Variants in LYZL2 observed in about 807,000 individuals in gnomAD.
The protein encoded by LYZL2 is lysozyme-like protein 2.
In LYZL2, 13 loss-of-function variants were observed where a neutral mutation model predicts 17.1. That is an observed-to-expected ratio of 0.76 (90% CI 0.49 to 1.21). The LOEUF (loss-of-function observed/expected upper bound fraction) is 1.21, where lower values mean the gene tolerates loss of function less well. Among genes scored for constraint, LYZL2 ranks in the 50% most tolerant of loss-of-function variants. The pLI is 0.00. For synonymous variants in LYZL2, 63 were observed against 74.4 expected (o/e 0.85, Z 0.79); for missense variants, 166 against 189.2 (o/e 0.88, Z 0.72).
intron 3 of LYZL2, among the ~76,000 whole-genome samples, chr10:30,619,015 A>G (rs1838578019): frequency 6.6e-6 from 1 of 152,248 alleles, no homozygotes; most frequent in Non-Finnish European, 1.5e-5. Context: ...AAGTGGGCAA[A>G]GTATATGAAC....
At chr10:30,612,990 T>G (rs1173134180) in intron 3 of LYZL2, 90 bp from the exon 4 acceptor site, 13 of 971,348 alleles carry the variant, frequency 1.3e-5, no homozygotes, top group Non-Finnish European at 2.1e-5. Context: ...CTCAGTCTTT[T>G]TGGGATGGGA....
chr10:30,618,154 C>A (rs1005479209), intron 3 of LYZL2, among the ~76,000 whole-genome samples: 3 of 151,938 alleles, frequency 2.0e-5, no homozygotes, highest in African/African-American at 7.3e-5. Flanking sequence ...AACTACAAAC[C>A]ACTGCTCAAG....
intron 3 of LYZL2, among the ~76,000 whole-genome samples, chr10:30,613,376 G>C (rs180758088): frequency 6.6e-6 from 1 of 151,916 alleles, no homozygotes; most frequent in Non-Finnish European, 1.5e-5. Flanking sequence ...ACACACCTGT[G>C]GTCTCAGCTA....
At chr10:30,626,409 G>A in intron 2 of LYZL2, 146 bp from the exon 3 acceptor site, 1 of 1,336,280 alleles carries the variant, frequency 7.5e-7, no homozygotes, top group Non-Finnish European at 1.0e-6. Context: ...ATGTGCCCAG[G>A]GGGCACACGA....
intron 4 of LYZL2, 72 bp from the exon 5 acceptor site, chr10:30,612,096 A>G (rs1337411976): frequency 2.6e-6 from 4 of 1,557,864 alleles, no homozygotes; most frequent in Middle Eastern, 1.7e-4. Context: ...TTCAAAGTCT[A>G]CAGAAATTAA....
chr10:30,620,122 C>T (rs1838596990), intron 3 of LYZL2, among the ~76,000 whole-genome samples: 1 of 152,202 alleles, frequency 6.6e-6, no homozygotes, highest in South Asian at 2.1e-4. Context: ...GGTTGGTAAA[C>T]TGCAGCGTGA....
chr10:30,606,912 C>CT (rs5784208), downstream of LYZL2, among the ~76,000 whole-genome samples: 1,520 of 144,822 alleles, frequency 0.01, 36 homozygotes, highest in African/African-American at 0.036. Context: ...TACTTTTGGT[C>CT]TTTTTTTTTT....
At chr10:30,619,725 C>T (rs187170341) in intron 3 of LYZL2, among the ~76,000 whole-genome samples, 1,816 of 151,586 alleles carry the variant, frequency 0.012, 40 homozygotes, top group African/African-American at 0.042. Context: ...ATACCTAATG[C>T]TAAATGAGGA....
chr10:30,617,742 G>A (rs1467882854), intron 3 of LYZL2, among the ~76,000 whole-genome samples: 3 of 144,774 alleles, frequency 2.1e-5, no homozygotes, highest in Non-Finnish European at 4.6e-5. Context: ...AAAACTGGAA[G>A]CATTCCCTTT....
At chr10:30,617,488 C>T (rs900549057) in intron 3 of LYZL2, among the ~76,000 whole-genome samples, 1 of 151,706 alleles carries the variant, frequency 6.6e-6, no homozygotes, top group Non-Finnish European at 1.5e-5. Flanking sequence ...CCAGCCTGGC[C>T]AACATGGCAA....
At chr10:30,615,093 T>G (rs112096042) in intron 3 of LYZL2, among the ~76,000 whole-genome samples, 1 of 152,230 alleles carries the variant, frequency 6.6e-6, no homozygotes, top group Non-Finnish European at 1.5e-5. Flanking sequence ...TATTGGCTAA[T>G]GCCAATATGG....
intron 3 of LYZL2, among the ~76,000 whole-genome samples, chr10:30,618,616 A>T (rs1422478072): frequency 6.6e-6 from 1 of 152,208 alleles, no homozygotes; most frequent in Non-Finnish European, 1.5e-5. Flanking sequence ...GAAAATTGGC[A>T]GGCCATATGT....
chr10:30,614,691 A>G (rs113254689), intron 3 of LYZL2, among the ~76,000 whole-genome samples: 17,298 of 152,222 alleles, frequency 0.11, 1,062 homozygotes, highest in South Asian at 0.18. Context: ...ACAAGGGCAC[A>G]GAGAGGCAGG....
chr10:30,607,749 G>A (rs1405302227), downstream of LYZL2, among the ~76,000 whole-genome samples: 3 of 152,052 alleles, frequency 2.0e-5, no homozygotes, highest in African/African-American at 7.2e-5. Flanking sequence ...AGCTCTCCCT[G>A]GCTGCGGCTT....
chr10:30,614,603 A>C (rs1588673553), intron 3 of LYZL2, among the ~76,000 whole-genome samples: 1 of 152,298 alleles, frequency 6.6e-6, no homozygotes, highest in East Asian at 1.9e-4. Flanking sequence ...AAAAATACTC[A>C]AACCACTTGA....
intron 3 of LYZL2, among the ~76,000 whole-genome samples, chr10:30,618,923 C>T (rs1468170643): frequency 6.6e-6 from 1 of 152,184 alleles, no homozygotes; most frequent in Non-Finnish European, 1.5e-5. Flanking sequence ...TTGCAATCTA[C>T]TCATCTGACA....
At chr10:30,610,136 C>T (rs1293786072), downstream of LYZL2, among the ~76,000 whole-genome samples, 1 of 150,078 alleles carries the variant, frequency 6.7e-6, no homozygotes, top group African/African-American at 2.5e-5. Flanking sequence ...AAAAAAAAAT[C>T]ACAAACAAAT....
chr10:30,606,605 C>A, the LYZL2 span, among the ~76,000 whole-genome samples: 1 of 152,136 alleles, frequency 6.6e-6, no homozygotes, highest in African/African-American at 2.4e-5. Flanking sequence ...CCGTGCATGG[C>A]AAATATTGTT....
chr10:30,614,997 T>C (rs758156490), intron 3 of LYZL2, among the ~76,000 whole-genome samples: 3 of 152,254 alleles, frequency 2.0e-5, no homozygotes, highest in Non-Finnish European at 2.9e-5. Context: ...TTGAATTATG[T>C]TTTCCCAGGA....
Sources: gnomAD v4.1 joint callset for allele counts (sites outside exome capture counted in the v4.1 genomes callset) on GRCh38, gnomAD v4.1.1 for gene constraint, MANE v1.5 for transcripts, NCBI Gene and HGNC (gene_info 2026-07-23, HGNC 2026-07-21) for gene names.